CIMIP2B: variants seen among roughly 807,000 people sequenced by gnomAD.
CIMIP2B encodes family with sequence similarity 166 member B.
the CIMIP2B span, chr9:35,561,918 CACCCT>C: frequency 7.4e-6 from 1 of 134,822 alleles, no homozygotes; most frequent in Non-Finnish European, 1.6e-5. Context: ...TGTGTTCCCC[CACCCT>C]CCCACCCTCC....
At chr9:35,563,636 T>C in the CIMIP2B span, 1 of 828,110 alleles carries the variant, frequency 1.2e-6, no homozygotes. Context: ...TCCTTTTCCA[T>C]CCACCACCAT....
At chr9:35,563,778 A>G in the CIMIP2B span, 2 of 1,613,802 alleles carry the variant, frequency 1.2e-6, no homozygotes, top group African/African-American at 2.7e-5. Context: ...CTGGGATATA[A>G]TGAGGGTTCT....
the CIMIP2B span, chr9:35,563,070 G>A: frequency 6.2e-7 from 1 of 1,613,966 alleles, no homozygotes; most frequent in Non-Finnish European, 8.5e-7. Flanking sequence ...ACTGTGCCCG[G>A]GGTACAAAAC....
chr9:35,563,658 C>T, the CIMIP2B span: 2 of 1,030,098 alleles, frequency 1.9e-6, no homozygotes, highest in Non-Finnish European at 1.5e-6. Context: ...GAGACCTCAG[C>T]CTCCCAAACC....
chr9:35,562,644 C>G, the CIMIP2B span: 1 of 1,613,348 alleles, frequency 6.2e-7, no homozygotes, highest in South Asian at 1.1e-5. Context: ...CCCCCCAGCT[C>G]TCACCTGACA....
the CIMIP2B span, chr9:35,562,412 C>T: frequency 6.6e-7 from 1 of 1,523,994 alleles, no homozygotes; most frequent in Non-Finnish European, 8.8e-7. Flanking sequence ...AGGTAAAAGA[C>T]CCAGGTTCTG....
chr9:35,563,096 C>CAA, the CIMIP2B span: 1 of 1,613,742 alleles, frequency 6.2e-7, no homozygotes, highest in Non-Finnish European at 8.5e-7. Context: ...CAGGCAGGGA[C>CAA]AAGGAAGACT....
chr9:35,563,764 T>TA, the CIMIP2B span: 1 of 1,613,578 alleles, frequency 6.2e-7, no homozygotes, highest in Non-Finnish European at 8.5e-7. Flanking sequence ...GTGGGAGTCT[T>TA]ACCCTGGGAT....
At chr9:35,562,484 T>C in the CIMIP2B span, 2 of 1,583,858 alleles carry the variant, frequency 1.3e-6, no homozygotes, top group Non-Finnish European at 1.7e-6. Context: ...TGGTGAGTGC[T>C]TCTGCCCAAA....
the CIMIP2B span, chr9:35,562,184 C>T: frequency 5.3e-6 from 6 of 1,122,248 alleles, no homozygotes; most frequent in Non-Finnish European, 7.4e-6. Flanking sequence ...TCCAAACAGC[C>T]CTCTAAAATC....
the CIMIP2B span, chr9:35,563,665 A>C: frequency 7.8e-4 from 911 of 1,169,844 alleles, 4 homozygotes; most frequent in African/African-American, 0.013. Context: ...CAGCCTCCCA[A>C]ACCAACCTGT....
chr9:35,562,848 C>T, the CIMIP2B span: 1 of 1,613,758 alleles, frequency 6.2e-7, no homozygotes, highest in South Asian at 1.1e-5. Flanking sequence ...CACACCTCTG[C>T]ACTCCCCACC....
chr9:35,562,182 G>A, the CIMIP2B span: 1 of 1,141,152 alleles, frequency 8.8e-7, no homozygotes, highest in Non-Finnish European at 1.2e-6. Context: ...CCTCCAAACA[G>A]CCCTCTAAAA....
chr9:35,563,353 C>G, the CIMIP2B span: 1 of 1,613,768 alleles, frequency 6.2e-7, no homozygotes, highest in Non-Finnish European at 8.5e-7. Context: ...AGGTCTGGCC[C>G]ACGCTGAACC....
At chr9:35,563,395 GCA>G in the CIMIP2B span, 6 of 1,599,522 alleles carry the variant, frequency 3.8e-6, no homozygotes, top group Admixed American at 1.0e-4. Context: ...TGTACCTGCA[GCA>G]CAGACTCTCC....
At chr9:35,563,239 C>G in the CIMIP2B span, 1 of 1,614,012 alleles carries the variant, frequency 6.2e-7, no homozygotes, top group Non-Finnish European at 8.5e-7. Context: ...CCCTGGGAAC[C>G]TCAGGAGATC....
At chr9:35,562,816 C>CA in the CIMIP2B span, 1 of 1,611,268 alleles carries the variant, frequency 6.2e-7, no homozygotes, top group Non-Finnish European at 8.5e-7. Context: ...ACTGCCCGGA[C>CA]ACACAGTAAG....
chr9:35,562,006 CCTAAGCCAAGAGCTGCTTCTGGAAGGTG>C, the CIMIP2B span: 1 of 1,392,958 alleles, frequency 7.2e-7, no homozygotes, highest in Admixed American at 2.2e-5. Flanking sequence ...TGTCCAGTGG[CCTAAGCCAAGAGCTGCTTCTGGAAGGTG>C]CTGAGGCCCA....
the CIMIP2B span, chr9:35,563,539 A>G: frequency 2.6e-6 from 2 of 759,362 alleles, no homozygotes; most frequent in Non-Finnish European, 4.3e-6. Flanking sequence ...TGGGCTTTCG[A>G]TCCTTCCTCT....
Sources: allele counts gnomAD v4.1 joint callset, GRCh38; gene constraint gnomAD v4.1.1; transcripts MANE v1.5; gene names NCBI Gene and HGNC (gene_info 2026-07-23, HGNC 2026-07-21).